NRXN3: variants seen among roughly 807,000 people sequenced by gnomAD.
NRXN3 encodes neurexin III.
Under a neutral mutation model 137.6 loss-of-function variants are expected in NRXN3, and 32 were observed. The observed-to-expected ratio is 0.23, with a 90% CI of 0.18 to 0.31. NRXN3 has a LOEUF of 0.31. NRXN3 is among the 10% of genes least tolerant of loss of function. NRXN3 has a pLI of 1.00. For synonymous variants in NRXN3, 798 were observed against 784.5 expected (o/e 1.02, Z -0.29); for missense variants, 1,574 against 2,062.5 (o/e 0.76, Z 4.59).
intron 15 of NRXN3, among the ~76,000 whole-genome samples, chr14:79,134,480 GACTGAGGCTA>G (rs2058012723): frequency 6.6e-6 from 1 of 152,188 alleles, no homozygotes; most frequent in Non-Finnish European, 1.5e-5. Context: ...CAATGTTTTG[GACTGAGGCTA>G]ACCGAGGACT....
intron 16 of NRXN3, among the ~76,000 whole-genome samples, chr14:79,533,401 A>G (rs997227364): frequency 1.3e-5 from 2 of 152,158 alleles, no homozygotes; most frequent in Non-Finnish European, 2.9e-5. Context: ...AGTGCCAAAA[A>G]TTACTTCAAA....
chr14:79,546,864 C>T (rs545546983), intron 16 of NRXN3, among the ~76,000 whole-genome samples: 7 of 152,230 alleles, frequency 4.6e-5, no homozygotes, highest in South Asian at 2.1e-4. Flanking sequence ...GCCCCTGCTG[C>T]GGGGAGAGCA....
At chr14:78,730,206 C>T (rs11159379) in intron 8 of NRXN3, among the ~76,000 whole-genome samples, 55,178 of 151,966 alleles carry the variant, frequency 0.36, 11,695 homozygotes, top group Non-Finnish European at 0.47. Context: ...TGGAATAGAG[C>T]GAGAAGCAGG....
intron 16 of NRXN3, among the ~76,000 whole-genome samples, chr14:79,471,268 A>ACT (rs1005350347): frequency 2.0e-5 from 3 of 151,804 alleles, no homozygotes; most frequent in Non-Finnish European, 2.9e-5. Flanking sequence ...TCAGTGCCTC[A>ACT]CTCTCTCTCT....
Position 79,841,423 on chromosome 14 carries a change from A to G in NRXN3, c.4094-19919A>G, listed in dbSNP as rs557697651. 3.9e-5 allele frequency among the ~76,000 whole-genome samples: 6 copies of G among 152,352 alleles called. No individual in the cohort carries two copies. In the East Asian group the frequency reaches 1.2e-3, roughly 29 times the overall value. ...AAAGAAAACAGTCAAAATTATGTTC[A>G]TCATGACAGAGCAAATGAGCTTTTG... On this transcript the variant is annotated intron_variant, in intron 20 of 20. Coordinates refer to ENST00000335750, the MANE Select transcript of NRXN3 (RefSeq NM_001330195.2).
chr14:79,334,627 C>A (rs1055310730), intron 15 of NRXN3, among the ~76,000 whole-genome samples: 1 of 152,114 alleles, frequency 6.6e-6, no homozygotes, highest in Non-Finnish European at 1.5e-5. Flanking sequence ...ATTTTAAAAT[C>A]ATCTTGGCGG....
At chr14:78,567,360 T>C (rs1304959264) in intron 4 of NRXN3, among the ~76,000 whole-genome samples, 1 of 152,232 alleles carries the variant, frequency 6.6e-6, no homozygotes, top group Non-Finnish European at 1.5e-5. Flanking sequence ...CAGTAAACTG[T>C]GCTCAGCTGG....
intron 8 of NRXN3, among the ~76,000 whole-genome samples, chr14:78,794,077 G>C (rs915838711): frequency 2.0e-5 from 3 of 152,110 alleles, no homozygotes; most frequent in African/African-American, 7.2e-5. Flanking sequence ...ATTTGCAGGA[G>C]GGAGTTCAAA....
intron 10 of NRXN3, among the ~76,000 whole-genome samples, chr14:78,829,352 G>A (rs755475386): frequency 1.8e-4 from 27 of 152,140 alleles, no homozygotes; most frequent in Non-Finnish European, 2.9e-4. Flanking sequence ...CAGTGTTTCA[G>A]TTGAGGGACA....
At chr14:79,132,995 G>A (rs1010531644) in intron 15 of NRXN3, among the ~76,000 whole-genome samples, 9 of 152,192 alleles carry the variant, frequency 5.9e-5, no homozygotes, top group Admixed American at 6.5e-5. Context: ...ATGATCTTAG[G>A]CAAGATGGTG....
intron 4 of NRXN3, among the ~76,000 whole-genome samples, chr14:78,432,454 A>G (rs763750110): frequency 1.3e-5 from 2 of 152,194 alleles, no homozygotes; most frequent in African/African-American, 2.4e-5. Context: ...ATTGGCTAGA[A>G]CAAGCTCTTC....
intron 10 of NRXN3, among the ~76,000 whole-genome samples, chr14:78,922,867 T>TA (rs1021013499): frequency 1.2e-4 from 18 of 152,106 alleles, no homozygotes; most frequent in African/African-American, 4.1e-4. Context: ...AAAATAAAAT[T>TA]AAAAAAATAA....
At chr14:79,744,336 TATAA>T (rs2098972359) in intron 19 of NRXN3, among the ~76,000 whole-genome samples, 1 of 152,162 alleles carries the variant, frequency 6.6e-6, no homozygotes, top group Admixed American at 6.5e-5. Context: ...AAGGAGACAA[TATAA>T]ATAAAGCTGA....
intron 15 of NRXN3, among the ~76,000 whole-genome samples, chr14:79,421,846 A>C (rs1019068961): frequency 4.6e-5 from 7 of 152,164 alleles, no homozygotes; most frequent in African/African-American, 1.7e-4. Context: ...TTATAAATAT[A>C]ATTTATTCTC....
chr14:78,449,800 C>A (rs1025735411), intron 4 of NRXN3, among the ~76,000 whole-genome samples: 1 of 152,172 alleles, frequency 6.6e-6, no homozygotes, highest in Non-Finnish European at 1.5e-5. Context: ...ATGGATGATG[C>A]AAATAAGGCT....
chr14:78,624,809 TTGTGTG>T (rs56948487), intron 4 of NRXN3, among the ~76,000 whole-genome samples: 1 of 149,266 alleles, frequency 6.7e-6, no homozygotes, highest in Non-Finnish European at 1.5e-5. Flanking sequence ...TCCTGTTCCT[TTGTGTG>T]TGTGTGTGTG....
At chr14:79,203,644 T>C (rs932571435) in intron 15 of NRXN3, among the ~76,000 whole-genome samples, 8 of 152,244 alleles carry the variant, frequency 5.3e-5, no homozygotes, top group African/African-American at 1.9e-4. Context: ...TATAGTGATA[T>C]GGAGGTGGAT....
chr14:79,859,717 G>A (rs1245403175), intron 20 of NRXN3, among the ~76,000 whole-genome samples: 1 of 152,160 alleles, frequency 6.6e-6, no homozygotes, highest in Non-Finnish European at 1.5e-5. Flanking sequence ...ATTACCAAGT[G>A]TAAGAGACAC....
At chr14:78,268,960 G>A (rs982161864) in intron 2 of NRXN3, among the ~76,000 whole-genome samples, 2 of 152,138 alleles carry the variant, frequency 1.3e-5, no homozygotes, top group African/African-American at 4.8e-5. Context: ...CTAAGATCTA[G>A]CATATTGGCT....
Sources: allele counts gnomAD v4.1 joint callset (sites outside exome capture counted in the v4.1 genomes callset), GRCh38; gene constraint gnomAD v4.1.1; transcripts MANE v1.5; gene names NCBI Gene and HGNC (gene_info 2026-07-23, HGNC 2026-07-21).